NPAS3: variants seen among roughly 807,000 people sequenced by gnomAD.
NPAS3 encodes neuronal PAS domain protein 3.
NPAS3 carries 14 observed loss-of-function variants against 73.1 expected under a neutral mutation model. That is an observed-to-expected ratio of 0.19 (90% CI 0.13 to 0.30). The LOEUF is 0.30. Ranked by LOEUF, NPAS3 falls within the 10% of genes least tolerant of loss-of-function variation. The pLI is 1.00. For missense variants in NPAS3, 1,096 were observed against 1,250.0 expected, an observed-to-expected ratio of 0.88 and a Z score of 1.86; for synonymous variants, 620 against 541.5, an observed-to-expected ratio of 1.14 and a Z score of -2.01.
intron 6 of NPAS3, among the ~76,000 whole-genome samples, chr14:33,710,081 T>C (rs889234012): frequency 8.5e-5 from 13 of 152,266 alleles, no homozygotes; most frequent in African/African-American, 2.4e-4. Context: ...ACTCATCTTA[T>C]GTTAGTGATT....
At chr14:33,464,287 A>G (rs2050407345) in intron 4 of NPAS3, among the ~76,000 whole-genome samples, 1 of 152,138 alleles carries the variant, frequency 6.6e-6, no homozygotes, top group African/African-American at 2.4e-5. Flanking sequence ...TGTGTATGAA[A>G]GGTTCATTAT....
chr14:33,284,428 A>G (rs2041775587), intron 3 of NPAS3, among the ~76,000 whole-genome samples: 1 of 152,232 alleles, frequency 6.6e-6, no homozygotes, highest in African/African-American at 2.4e-5. Context: ...CATTACACAG[A>G]TGAGTAGTGT....
chr14:33,049,856 G>A (rs1283127505), intron 1 of NPAS3, among the ~76,000 whole-genome samples: 1 of 152,190 alleles, frequency 6.6e-6, no homozygotes, highest in Non-Finnish European at 1.5e-5. Flanking sequence ...GGAATAGAAA[G>A]CAGGACCCAT....
At chr14:33,558,883 A>C (rs1484764367) in intron 4 of NPAS3, among the ~76,000 whole-genome samples, 1 of 151,188 alleles carries the variant, frequency 6.6e-6, no homozygotes, top group African/African-American at 2.4e-5. Context: ...ACATTTAAAA[A>C]CTTTTTTTCC....
chr14:33,586,606 A>G (rs935216671), intron 5 of NPAS3, among the ~76,000 whole-genome samples: 1 of 151,916 alleles, frequency 6.6e-6, no homozygotes, highest in Non-Finnish European at 1.5e-5. Context: ...GAACATAGAA[A>G]GAATCCTTTT....
chr14:33,654,681 G>T (rs548229389), intron 5 of NPAS3, among the ~76,000 whole-genome samples: 3 of 152,286 alleles, frequency 2.0e-5, no homozygotes, highest in African/African-American at 7.2e-5. Context: ...ACACCATGCT[G>T]CTGACTAGCC....
intron 6 of NPAS3, among the ~76,000 whole-genome samples, chr14:33,732,457 T>C (rs1313904876): frequency 1.3e-5 from 2 of 152,216 alleles, no homozygotes; most frequent in Non-Finnish European, 2.9e-5. Flanking sequence ...AAACCAAGTG[T>C]ATTTGCTAGC....
chr14:33,774,081 GA>G (rs925011566), intron 7 of NPAS3, among the ~76,000 whole-genome samples: 13 of 151,726 alleles, frequency 8.6e-5, no homozygotes, highest in Non-Finnish European at 1.8e-4. Context: ...CCCTTAATGT[GA>G]AAAAAAAGTC....
chr14:33,489,786 G>A (rs1041706328), intron 4 of NPAS3, among the ~76,000 whole-genome samples: 6 of 152,078 alleles, frequency 3.9e-5, no homozygotes, highest in African/African-American at 7.2e-5. Context: ...TTAGATTGTC[G>A]AGTTTCCTGC....
intron 1 of NPAS3, among the ~76,000 whole-genome samples, chr14:33,013,390 T>C (rs76267463): frequency 6.6e-6 from 1 of 152,198 alleles, no homozygotes; most frequent in Non-Finnish European, 1.5e-5. Flanking sequence ...TTTGGCTCAT[T>C]TTAATTAGTT....
intron 3 of NPAS3, among the ~76,000 whole-genome samples, chr14:33,366,544 A>G (rs895731596): frequency 1.3e-5 from 2 of 152,210 alleles, no homozygotes; most frequent in Non-Finnish European, 2.9e-5. Flanking sequence ...GGTGAGGCAC[A>G]TGCTGGCCAA....
intron 5 of NPAS3, among the ~76,000 whole-genome samples, chr14:33,580,689 T>C (rs947799912): frequency 1.3e-5 from 2 of 152,184 alleles, no homozygotes; most frequent in Non-Finnish European, 2.9e-5. Context: ...CTAAGTTTTC[T>C]TAGAAAAATC....
chr14:33,296,252 TG>T (rs1335582283), intron 3 of NPAS3, among the ~76,000 whole-genome samples: 1 of 152,212 alleles, frequency 6.6e-6, no homozygotes, highest in Admixed American at 6.5e-5. Context: ...CCATTGAAGA[TG>T]TTGTTGTTAC....
At chr14:33,600,045 C>A (rs1311592771) in intron 5 of NPAS3, among the ~76,000 whole-genome samples, 1 of 152,172 alleles carries the variant, frequency 6.6e-6, no homozygotes, top group African/African-American at 2.4e-5. Flanking sequence ...AGCCCAGGCA[C>A]TAGAGTTCCT....
intron 5 of NPAS3, among the ~76,000 whole-genome samples, chr14:33,664,407 A>G (rs1438045468): frequency 6.6e-6 from 1 of 152,228 alleles, no homozygotes; most frequent in African/African-American, 2.4e-5. Context: ...ACCTAAAACC[A>G]TAAAAACCCT....
chr14:33,393,737 G>A (rs1243091534), intron 4 of NPAS3, among the ~76,000 whole-genome samples: 2 of 152,102 alleles, frequency 1.3e-5, no homozygotes, highest in African/African-American at 2.4e-5. Context: ...CATGATATAT[G>A]ATACTGCTAG....
chr14:32,994,602 G>A (rs572222989), intron 1 of NPAS3, among the ~76,000 whole-genome samples: 2 of 145,366 alleles, frequency 1.4e-5, no homozygotes, highest in African/African-American at 2.6e-5. Context: ...GGATAGGCTC[G>A]CCATTCTAGT....
chr14:33,412,982 A>C (rs975158479), intron 4 of NPAS3, among the ~76,000 whole-genome samples: 3 of 152,226 alleles, frequency 2.0e-5, no homozygotes, highest in African/African-American at 7.2e-5. Context: ...TTTAGTTACA[A>C]AATTGAGAAG....
downstream of NPAS3, chr14:33,801,237 C>G: frequency 6.9e-7 from 1 of 1,454,656 alleles, no homozygotes; most frequent in South Asian, 1.3e-5. Flanking sequence ...ACGACGGTCC[C>G]CATTCCACCC....
Sources: allele counts gnomAD v4.1 joint callset (sites outside exome capture counted in the v4.1 genomes callset), GRCh38; gene constraint gnomAD v4.1.1; transcripts MANE v1.5; gene names NCBI Gene and HGNC (gene_info 2026-07-23, HGNC 2026-07-21).